GALNT2: variants seen among roughly 807,000 people sequenced by gnomAD.
GALNT2 encodes the protein UDP-GalNAc:polypeptide N-acetylgalactosaminyltransferase 2.
GALNT2 carries 31 observed loss-of-function variants against 81.4 expected under a neutral mutation model. The ratio of observed to expected loss-of-function variants is 0.38; its 90% CI spans 0.29 to 0.51. GALNT2 has a LOEUF of 0.51. Among genes scored for constraint, GALNT2 ranks in the 20% least tolerant of loss-of-function variants. The pLI, the probability that GALNT2 is intolerant of heterozygous loss-of-function variation, is 0.87. For missense variants in GALNT2, 629 were observed against 765.7 expected (o/e 0.82, Z 2.11); for synonymous variants, 303 against 287.4 (o/e 1.05, Z -0.55).
At chr1:230,134,570 G>T (rs767902395) in intron 1 of GALNT2, among the ~76,000 whole-genome samples, 1 of 152,148 alleles carries the variant, frequency 6.6e-6, no homozygotes, top group African/African-American at 2.4e-5. Flanking sequence ...CCTCATTCTG[G>T]GTTGGGCCCA....
At chr1:230,216,809 C>T (rs1012080457) in intron 3 of GALNT2, among the ~76,000 whole-genome samples, 1 of 152,048 alleles carries the variant, frequency 6.6e-6, no homozygotes, top group Non-Finnish European at 1.5e-5. Flanking sequence ...ATTTAAAGTT[C>T]AGACTTTTAT....
intron 3 of GALNT2, 95 bp downstream of exon 3, chr1:230,203,385 T>G (rs958887010): frequency 1.4e-6 from 2 of 1,384,822 alleles, no homozygotes; most frequent in Admixed American, 3.9e-5. Context: ...TCTCCATTAC[T>G]CTGGGAAATT....
rs1440033122 is a variant in GALNT2, at chr1:230,243,331, G to T, written c.633G>T (p.Gly211=). The change falls in exon 7 of 16, where the codon GGG becomes GGT. Residue 211 remains glycine, a synonymous_variant. Transcript: ENST00000366672. The surrounding 1 kb of genome is among the most constrained non-coding windows in gnomAD (Gnocchi z 4.2). ...GCCTCATGCGCTCACGGGTTCGGGG[G>T]GCCGATGCTGCCCAAGCCAAGGTCC... ...REGLMRSRVR[G]ADAAQAKVLT... 2 of 1,608,634 alleles carry T rather than the reference G, an allele frequency of 1.2e-6. No homozygotes were observed. Among genetic ancestry groups the T allele is most frequent in the Admixed American group, 1.7e-5 (1 of 59,858 alleles).
At chr1:230,241,853 C>T (rs1665211919) in intron 6 of GALNT2, among the ~76,000 whole-genome samples, 1 of 152,234 alleles carries the variant, frequency 6.6e-6, no homozygotes, top group Admixed American at 6.5e-5. Context: ...CCAAGCATGT[C>T]ACACTTGGCA....
At chr1:230,183,666 A>G (rs1157484367) in intron 2 of GALNT2, among the ~76,000 whole-genome samples, 3 of 152,214 alleles carry the variant, frequency 2.0e-5, no homozygotes, top group African/African-American at 7.2e-5. Context: ...AACCCATTAT[A>G]TGATAGTTCA....
rs779195122 is a variant in GALNT2 at position 230,271,897 on chromosome 1, C to T, written c.1441-2548C>T. 4.6e-5 allele frequency among the ~76,000 whole-genome samples: 7 copies of T among 152,132 alleles called. No individual in the cohort carries two copies. The highest frequency in any genetic ancestry group is 8.8e-5 in the Non-Finnish European group (6 of 68,018). ...CTTCCCTTCCCAGAGGATGGGGTGGCGGGGGACTGACGGTTTCAAGCTTCT... is the reference window on the plus strand; with the variant it reads ...CTTCCCTTCCCAGAGGATGGGGTGGTGGGGGACTGACGGTTTCAAGCTTCT... On this transcript the variant is annotated intron_variant, in intron 14 of 15. Coordinates refer to ENST00000366672, the MANE Select transcript of GALNT2 (RefSeq NM_004481.5). The surrounding 1 kb of genome is among the most constrained non-coding windows in gnomAD (Gnocchi z 4.2).
At chr1:230,220,453 G>A (rs1664512739) in intron 3 of GALNT2, among the ~76,000 whole-genome samples, 1 of 152,042 alleles carries the variant, frequency 6.6e-6, no homozygotes, top group Non-Finnish European at 1.5e-5. Flanking sequence ...CATAAAGGGA[G>A]TTGAAACTCC....
Position 230,070,151 on chromosome 1 carries a change from C to T in GALNT2, c.126+2745C>T, listed in dbSNP as rs542768903. Among the ~76,000 whole-genome samples the T allele has an allele frequency of 1.3e-5, 2 of 152,278 alleles. No individual in the cohort carries two copies. The highest frequency in any genetic ancestry group is 2.4e-5 in the African/African-American group (1 of 41,546). On this transcript the variant is annotated intron_variant, in intron 1 of 15. Coordinates refer to ENST00000366672, the MANE Select transcript of GALNT2 (RefSeq NM_004481.5). This position sits in a 1 kb window ranked among gnomAD's most constrained non-coding sequence, Gnocchi z 4.7. ...CAATCTCAGGCACTGCCGCACAACT[C>T]GGGACTCAACACCCAGGCTCAGGAC...
At chr1:230,135,569 T>G (rs1005388965) in intron 1 of GALNT2, among the ~76,000 whole-genome samples, 1 of 152,202 alleles carries the variant, frequency 6.6e-6, no homozygotes, top group African/African-American at 2.4e-5. Flanking sequence ...ATGATCTTAA[T>G]GACATGCACA....
At chr1:230,214,558 A>G (rs1664331862) in intron 3 of GALNT2, among the ~76,000 whole-genome samples, 1 of 152,018 alleles carries the variant, frequency 6.6e-6, no homozygotes, top group Non-Finnish European at 1.5e-5. Context: ...CTTTTTGAAG[A>G]CATTTGACTT....
chr1:230,158,127 T>G (rs1283267828), intron 1 of GALNT2, among the ~76,000 whole-genome samples: 2 of 151,916 alleles, frequency 1.3e-5, no homozygotes, highest in African/African-American at 4.8e-5. Flanking sequence ...TCCAGAGGCA[T>G]TGAAAGGGAA....
chr1:230,229,425 G>GTGA (rs1664808236), intron 3 of GALNT2, among the ~76,000 whole-genome samples: 1 of 152,146 alleles, frequency 6.6e-6, no homozygotes, highest in Admixed American at 6.5e-5. Flanking sequence ...TTAAAACATG[G>GTGA]TGATACCTAG....
intron 1 of GALNT2, among the ~76,000 whole-genome samples, chr1:230,143,649 A>G (rs1398055659): frequency 6.6e-6 from 1 of 152,196 alleles, no homozygotes; most frequent in Non-Finnish European, 1.5e-5. Context: ...TGCTTTTCAC[A>G]TGGGAAAGTG....
intron 3 of GALNT2, among the ~76,000 whole-genome samples, chr1:230,230,712 C>T (rs936505998): frequency 7.2e-5 from 11 of 152,298 alleles, no homozygotes; most frequent in East Asian, 3.9e-4. Flanking sequence ...CCATCTCTTC[C>T]GTGATAGAAT....
intron 15 of GALNT2, among the ~76,000 whole-genome samples, chr1:230,277,334 TTTG>T (rs979130890): frequency 6.6e-5 from 10 of 152,068 alleles, no homozygotes; most frequent in African/African-American, 1.9e-4. Context: ...GAGCTGGGGT[TTTG>T]TTGTTGTTTT....
intron 2 of GALNT2, among the ~76,000 whole-genome samples, chr1:230,191,846 C>T (rs1663536980): frequency 6.6e-6 from 1 of 152,222 alleles, no homozygotes; most frequent in African/African-American, 2.4e-5. Context: ...TGAGGAAGCC[C>T]CCACCAACAG....
intron 3 of GALNT2, among the ~76,000 whole-genome samples, chr1:230,226,053 G>A (rs146972956): frequency 0.011 from 1,667 of 152,270 alleles, 16 homozygotes; most frequent in Middle Eastern, 0.02. Flanking sequence ...TGCCCTTACC[G>A]CAGAAGCAAA....
At chr1:230,267,936 T>C (rs922007429) in intron 14 of GALNT2, among the ~76,000 whole-genome samples, 1 of 152,200 alleles carries the variant, frequency 6.6e-6, no homozygotes, top group African/African-American at 2.4e-5. Flanking sequence ...GGTGCTGCTG[T>C]GGGTCCCGCT....
At position 230,275,347 on chromosome 1, in the gene GALNT2, T is replaced by C. The variant is rs942111019; in HGVS notation, c.1560+783T>C. On this transcript the variant is annotated intron_variant, in intron 15 of 15. Transcript: ENST00000366672. This position sits in a 1 kb window ranked among gnomAD's most constrained non-coding sequence, Gnocchi z 5.5. ...TATACACACCACATATGTATACATA[T>C]ATATACATGCCACATATACATCTAT... Among the ~76,000 whole-genome samples, 3 of 151,382 alleles carry C rather than the reference T, an allele frequency of 2.0e-5. No homozygotes were observed. The highest frequency in any genetic ancestry group is 7.3e-5 in the African/African-American group (3 of 41,174).
Sources: gnomAD v4.1 joint callset for allele counts (sites outside exome capture counted in the v4.1 genomes callset) on GRCh38, gnomAD v4.1.1 for gene constraint, Gnocchi (gnomAD v3.1) non-coding constraint, MANE v1.5 for transcripts, NCBI Gene and HGNC (gene_info 2026-07-23, HGNC 2026-07-21) for gene names.